GRAMD1B: variants seen among roughly 807,000 people sequenced by gnomAD.
The protein encoded by GRAMD1B is protein Aster-B.
GRAMD1B carries 37 observed loss-of-function variants against 99.7 expected under a neutral mutation model. The observed-to-expected ratio is 0.37, with a 90% CI of 0.29 to 0.49. The LOEUF is 0.49. Among genes scored for constraint, GRAMD1B ranks in the 20% least tolerant of loss-of-function variants. The probability of loss-of-function intolerance (pLI) is 0.98; values close to 1 mark genes in which losing one functional copy is unlikely to be tolerated. For synonymous variants in GRAMD1B, 427 were observed against 387.6 expected, an observed-to-expected ratio of 1.10 and a Z score of -1.19; for missense variants, 888 against 1,009.2, an observed-to-expected ratio of 0.88 and a Z score of 1.63.
intron 1 of GRAMD1B, among the ~76,000 whole-genome samples, chr11:123,386,558 C>G (rs1231940756): frequency 6.6e-6 from 1 of 151,746 alleles, no homozygotes; most frequent in Non-Finnish European, 1.5e-5. Flanking sequence ...CTGCCTTACC[C>G]TTCCAAGTAG....
chr11:123,583,031 A>C (rs1185765114), intron 3 of GRAMD1B, among the ~76,000 whole-genome samples: 2 of 148,614 alleles, frequency 1.3e-5, no homozygotes, highest in African/African-American at 2.5e-5. Flanking sequence ...TATGTGTGTG[A>C]ATGTATGTGT....
intron 2 of GRAMD1B, among the ~76,000 whole-genome samples, chr11:123,495,457 A>G (rs2135088481): frequency 6.6e-6 from 1 of 152,270 alleles, no homozygotes; most frequent in East Asian, 1.9e-4. Flanking sequence ...AAAATGTACA[A>G]TGATTATTGA....
At chr11:123,441,044 C>T (rs578010656) in intron 1 of GRAMD1B, among the ~76,000 whole-genome samples, 1 of 152,298 alleles carries the variant, frequency 6.6e-6, no homozygotes, top group Admixed American at 6.5e-5. Flanking sequence ...GAGGCCTCCC[C>T]AGCCACGTGG....
intron 1 of GRAMD1B, among the ~76,000 whole-genome samples, chr11:123,373,517 T>C (rs904466825): frequency 1.3e-5 from 2 of 152,172 alleles, no homozygotes; most frequent in Non-Finnish European, 2.9e-5. Flanking sequence ...TTGATGTTTA[T>C]TGATGCAGAA....
chr11:123,557,061 G>A (rs1946256059), intron 2 of GRAMD1B, among the ~76,000 whole-genome samples: 1 of 152,188 alleles, frequency 6.6e-6, no homozygotes, highest in Non-Finnish European at 1.5e-5. Context: ...ATGTACTATA[G>A]GCAAGTTATT....
At chr11:123,473,792 G>C (rs1436488960) in intron 1 of GRAMD1B, among the ~76,000 whole-genome samples, 1 of 152,150 alleles carries the variant, frequency 6.6e-6, no homozygotes, top group African/African-American at 2.4e-5. Flanking sequence ...AGGATATTGA[G>C]GGATGTTCTG....
At chr11:123,399,138 C>T (rs537070663) in intron 1 of GRAMD1B, among the ~76,000 whole-genome samples, 14 of 152,280 alleles carry the variant, frequency 9.2e-5, no homozygotes, top group South Asian at 6.2e-4. Context: ...TCTGTTACTA[C>T]GACTTTGACT....
Position 123,613,496 on chromosome 11 carries a change from A to T in GRAMD1B, c.2065A>T (p.Met689Leu), listed in dbSNP as rs373054264. ...AKTESTYLAE[M>L]HRQSPKEKAS... is the part of the protein sequence containing the mutation. Reference sequence around the variant, plus strand: ...AACGGAGAGCACTTATTTGGCTGAGATGCACAGACAATCTCCCAAAGAGAA... The same window carrying T: ...AACGGAGAGCACTTATTTGGCTGAGTTGCACAGACAATCTCCCAAAGAGAA... Residue 689 changes from methionine (M) to leucine (L), a missense_variant, in exon 16 of 20, where the codon ATG (methionine) becomes TTG (leucine). By Grantham distance (15) the Met-to-Leu change is conservative. Transcript: ENST00000635736. The T allele has an allele frequency of 1.8e-5, 29 of 1,613,000 alleles. No individual in the cohort carries two copies. The South Asian group carries it at 2.8e-4, about 15-fold the overall frequency.
intron 1 of GRAMD1B, among the ~76,000 whole-genome samples, chr11:123,433,679 C>CGT (rs59262021): frequency 0.24 from 34,925 of 142,894 alleles, 4,283 homozygotes; most frequent in Non-Finnish European, 0.3. Flanking sequence ...ATGTTACGTG[C>CGT]GTGTGTGTGT....
chr11:123,455,837 T>C (rs1950090608), intron 1 of GRAMD1B, among the ~76,000 whole-genome samples: 1 of 152,198 alleles, frequency 6.6e-6, no homozygotes, highest in Non-Finnish European at 1.5e-5. Flanking sequence ...TGTTTATTAC[T>C]GTGTTCCCAG....
At chr11:123,544,545 G>C (rs1269611932) in intron 2 of GRAMD1B, among the ~76,000 whole-genome samples, 2 of 152,150 alleles carry the variant, frequency 1.3e-5, no homozygotes, top group African/African-American at 4.8e-5. Context: ...CCCTCCTCCT[G>C]TAGGTGGCTT....
In GRAMD1B at chr11:123,625,433, A is replaced by C. The variant is rs1955444065; in HGVS notation, c.*2838A>C. On this transcript the variant is annotated 3_prime_UTR_variant, in exon 20 of 20. Transcript: ENST00000635736. ...GCTATAGGATCTAAAGTTCCATTAC[A>C]GCTTACTGTGAAAGAATTGACAAGA... 1 of 152,236 alleles carries C rather than the reference A, an allele frequency of 6.6e-6. No homozygotes were observed. Among genetic ancestry groups the C allele is most frequent in the Non-Finnish European group, 1.5e-5 (1 of 68,054 alleles). 9.4% of individuals were successfully genotyped at this position (152,236 alleles called of 1,614,324 possible). A position where few individuals can be genotyped will look rare whatever the true frequency, so the allele number is the denominator to read the frequency against.
At chr11:123,489,225 G>A (rs911616209) in intron 2 of GRAMD1B, among the ~76,000 whole-genome samples, 4 of 152,180 alleles carry the variant, frequency 2.6e-5, no homozygotes, top group Admixed American at 6.5e-5. Flanking sequence ...ACAGTGGGTC[G>A]AGGACGAAGG....
In GRAMD1B at chr11:123,510,838, A is replaced by G. The variant is rs1247823933; in HGVS notation, c.452+29945A>G. Among the ~76,000 whole-genome samples, 1 of 152,096 alleles carries G rather than the reference A, an allele frequency of 6.6e-6. No individual in the cohort carries two copies. Among genetic ancestry groups the G allele is most frequent in the Non-Finnish European group, 1.5e-5 (1 of 68,014 alleles). On this transcript the variant is annotated intron_variant, in intron 2 of 19. Coordinates refer to ENST00000635736, the MANE Select transcript of GRAMD1B (RefSeq NM_001387025.1). The surrounding 1 kb of genome is among the most constrained non-coding windows in gnomAD (Gnocchi z 4.3). ...AGGGGCTGTGTCAGAGTGGAGGGAAATGTTGTGAGCACCAAGACCTCAGGA... is the reference window on the plus strand; with the variant it reads ...AGGGGCTGTGTCAGAGTGGAGGGAAGTGTTGTGAGCACCAAGACCTCAGGA...
chr11:123,471,780 GC>G (rs945461933), intron 1 of GRAMD1B, among the ~76,000 whole-genome samples: 19 of 152,210 alleles, frequency 1.2e-4, no homozygotes, highest in African/African-American at 4.6e-4. Context: ...AATCCTGGTT[GC>G]CCCCCAGAAT....
intron 2 of GRAMD1B, among the ~76,000 whole-genome samples, chr11:123,572,775 G>A (rs556339474): frequency 3.0e-4 from 45 of 149,844 alleles, no homozygotes; most frequent in African/African-American, 1.0e-3. Flanking sequence ...AGAGGCGCAG[G>A]TAGGCCCCGA....
At chr11:123,546,498 G>A (rs1263072388) in intron 2 of GRAMD1B, among the ~76,000 whole-genome samples, 2 of 152,140 alleles carry the variant, frequency 1.3e-5, no homozygotes, top group African/African-American at 4.8e-5. Context: ...TTGTCCAGCT[G>A]CTTATGAATA....
At chr11:123,414,236 G>C (rs907206602) in intron 1 of GRAMD1B, among the ~76,000 whole-genome samples, 1 of 152,054 alleles carries the variant, frequency 6.6e-6, no homozygotes, top group African/African-American at 2.4e-5. Context: ...GTAGAGACAG[G>C]GTTTTGCCAT....
intron 1 of GRAMD1B, among the ~76,000 whole-genome samples, chr11:123,393,096 G>T (rs1947336625): frequency 6.6e-6 from 1 of 152,136 alleles, no homozygotes; most frequent in Non-Finnish European, 1.5e-5. Flanking sequence ...TTAGAATAAT[G>T]AAATCATTTA....
Sources: allele counts gnomAD v4.1 joint callset (sites outside exome capture counted in the v4.1 genomes callset), GRCh38; gene constraint gnomAD v4.1.1; non-coding constraint Gnocchi (gnomAD v3.1); transcripts MANE v1.5; gene names NCBI Gene and HGNC (gene_info 2026-07-23, HGNC 2026-07-21).